Variants in WDR41 observed in about 807,000 individuals in gnomAD.
The protein encoded by WDR41 is WD repeat domain 41, also known as WD repeat-containing protein 41.
A neutral mutation model predicts 69.3 loss-of-function variants in WDR41; 63 were observed. The observed-to-expected ratio is 0.91, with a 90% CI of 0.74 to 1.12. WDR41 has a LOEUF of 1.12. WDR41 is among the 50% of genes most tolerant of loss of function. The probability of loss-of-function intolerance (pLI) is 0.00; values close to 1 mark genes in which losing one functional copy is unlikely to be tolerated. For synonymous variants in WDR41, 185 were observed against 192.1 expected, an observed-to-expected ratio of 0.96 and a Z score of 0.31; for missense variants, 543 against 534.5, an observed-to-expected ratio of 1.02 and a Z score of -0.16.
At chr5:77,603,609 T>A (rs1744363664) in intron 1 of WDR41, among the ~76,000 whole-genome samples, 1 of 150,994 alleles carries the variant, frequency 6.6e-6, no homozygotes. Context: ...ATGTTTTAGT[T>A]GTCTGTGCTT....
intron 2 of WDR41, among the ~76,000 whole-genome samples, chr5:77,486,394 G>T (rs1801523317): frequency 6.6e-6 from 1 of 152,050 alleles, no homozygotes; most frequent in Non-Finnish European, 1.5e-5. Context: ...ACTCACTGTG[G>T]TAGATCACAA....
intron 2 of WDR41, 28 bp downstream of exon 2, chr5:77,489,429 A>T: frequency 7.2e-7 from 1 of 1,381,130 alleles, no homozygotes; most frequent in Non-Finnish European, 9.9e-7. Flanking sequence ...CCCAAACAAT[A>T]GTCAATTAGA....
chr5:77,513,801 T>G (rs923591807), intron 1 of WDR41, among the ~76,000 whole-genome samples: 5 of 152,180 alleles, frequency 3.3e-5, no homozygotes, highest in Non-Finnish European at 2.9e-5. Context: ...CTCCTTTGAC[T>G]ACAGAAGACC....
At chr5:77,613,595 G>T (rs1245833026) in intron 1 of WDR41, among the ~76,000 whole-genome samples, 5 of 152,032 alleles carry the variant, frequency 3.3e-5, no homozygotes, top group African/African-American at 4.8e-5. Flanking sequence ...TAGCCATATG[G>T]AGAAAGCTGA....
intron 1 of WDR41, among the ~76,000 whole-genome samples, chr5:77,578,700 C>T (rs1460382868): frequency 2.0e-5 from 3 of 151,876 alleles, no homozygotes; most frequent in Non-Finnish European, 4.4e-5. Context: ...CCTGTCTCTA[C>T]TAAAAATACA....
intron 7 of WDR41, 93 bp downstream of exon 7, chr5:77,451,198 A>T: frequency 8.4e-7 from 1 of 1,186,332 alleles, no homozygotes; most frequent in Non-Finnish European, 1.2e-6. Context: ...GGGCACACGC[A>T]ATGTCCCTTA....
Position 77,482,835 on chromosome 5 carries a change from G to A in WDR41, c.167+6622C>T, listed in dbSNP as rs114363648. Among the ~76,000 whole-genome samples, 1,328 of 148,646 alleles carry A rather than the reference G, an allele frequency of 8.9e-3. 24 individuals are homozygous for A. Among genetic ancestry groups the A allele is most frequent in the African/African-American group, 0.03 (1,190 of 40,162 alleles). On this transcript the variant is annotated intron_variant, in intron 2 of 12. Coordinates refer to ENST00000296679, the MANE Select transcript of WDR41 (RefSeq NM_018268.4). ...CTGAGAAAATGCAGGCACAGAATGA[G>A]CTCTGTCCTCCCCACATCTACCTGA...
intron 1 of WDR41, among the ~76,000 whole-genome samples, chr5:77,572,106 TA>T (rs922037883): frequency 4.6e-4 from 69 of 151,632 alleles, no homozygotes; most frequent in African/African-American, 1.6e-3. Context: ...GAAGATAGGC[TA>T]AAAAAAAGGG....
chr5:77,568,964 G>A (rs574407727), intron 1 of WDR41, among the ~76,000 whole-genome samples: 4 of 152,136 alleles, frequency 2.6e-5, no homozygotes, highest in East Asian at 1.9e-4. Context: ...GTGTCACAGA[G>A]TGGTCCCAGT....
intron 6 of WDR41, 39 bp from the exon 7 acceptor site, chr5:77,451,392 T>C: frequency 1.3e-6 from 2 of 1,581,742 alleles, no homozygotes; most frequent in Non-Finnish European, 1.7e-6. Flanking sequence ...ATTATTTTTC[T>C]CACAGATTAT....
At position 77,614,810 on chromosome 5, in the gene WDR41, A is replaced by T. The variant is rs546775882; in HGVS notation, c.42+5669T>A. 1.8e-3 allele frequency among the ~76,000 whole-genome samples: 187 copies of T among 102,126 alleles called. 1 individual carries two copies. Among genetic ancestry groups the T allele is most frequent in the East Asian group, 1.9e-3 (6 of 3,140 alleles). The allele number at this position is 102,126 out of a possible 152,430, so 67.0% of individuals were successfully genotyped here. A position where few individuals can be genotyped will look rare whatever the true frequency, so the allele number is the denominator to read the frequency against. ...ACTTAAAGTATAATAATAATAAAAT[A>T]AAAAAAAAGAAATGTGGAGGAGAAG... On this transcript the variant is annotated intron_variant, in intron 1 of 5. Transcript: ENST00000509971.
chr5:77,567,710 T>A (rs1743659820), intron 1 of WDR41, among the ~76,000 whole-genome samples: 1 of 151,660 alleles, frequency 6.6e-6, no homozygotes, highest in Non-Finnish European at 1.5e-5. Flanking sequence ...AATGCTATTC[T>A]GAATCACCTA....
chr5:77,484,103 C>A (rs746235687), intron 2 of WDR41, among the ~76,000 whole-genome samples: 1 of 152,172 alleles, frequency 6.6e-6, no homozygotes, highest in Non-Finnish European at 1.5e-5. Flanking sequence ...TACTGTTAGA[C>A]ACTTGCTGTC....
chr5:77,618,448 C>T (rs1248300848), intron 1 of WDR41, among the ~76,000 whole-genome samples: 1 of 152,090 alleles, frequency 6.6e-6, no homozygotes, highest in African/African-American at 2.4e-5. Flanking sequence ...TCTCAGCTCA[C>T]TGCAACCTAC....
At chr5:77,548,227 G>T (rs1337418412) in intron 1 of WDR41, among the ~76,000 whole-genome samples, 1 of 152,208 alleles carries the variant, frequency 6.6e-6, no homozygotes, top group Non-Finnish European at 1.5e-5. Context: ...CTTAGCCAAG[G>T]ATTTCATGAC....
At chr5:77,511,671 T>C (rs1236674082) in intron 1 of WDR41, among the ~76,000 whole-genome samples, 4 of 152,200 alleles carry the variant, frequency 2.6e-5, no homozygotes, top group Non-Finnish European at 2.9e-5. Flanking sequence ...CCATTACATC[T>C]GCAGTTCTAT....
intron 1 of WDR41, among the ~76,000 whole-genome samples, chr5:77,557,797 T>C (rs1182515309): frequency 6.6e-6 from 1 of 152,102 alleles, no homozygotes; most frequent in Non-Finnish European, 1.5e-5. Flanking sequence ...ACAGCCCAAA[T>C]GTTTACCAAC....
At chr5:77,558,653 GTT>G (rs1743459691) in intron 1 of WDR41, among the ~76,000 whole-genome samples, 1 of 152,156 alleles carries the variant, frequency 6.6e-6, no homozygotes, top group Non-Finnish European at 1.5e-5. Context: ...AGAGAAATAA[GTT>G]TATTTCTAAC....
At chr5:77,486,646 C>A (rs941810465) in intron 2 of WDR41, among the ~76,000 whole-genome samples, 43 of 152,286 alleles carry the variant, frequency 2.8e-4, no homozygotes, top group African/African-American at 1.0e-3. Context: ...TGAACAAGCA[C>A]CTGAAAAACC....
Sources: allele counts gnomAD v4.1 joint callset (sites outside exome capture counted in the v4.1 genomes callset), GRCh38; gene constraint gnomAD v4.1.1; transcripts MANE v1.5; gene names NCBI Gene and HGNC (gene_info 2026-07-23, HGNC 2026-07-21).